Variants in RBAK observed in about 807,000 individuals in gnomAD.
The protein encoded by RBAK is RB-associated KRAB zinc finger protein.
Under a neutral mutation model 65.8 loss-of-function variants are expected in RBAK, and 39 were observed. The ratio of observed to expected loss-of-function variants is 0.59; its 90% confidence interval spans 0.46 to 0.77. The LOEUF (loss-of-function observed/expected upper bound fraction) is 0.77, where lower values mean the gene tolerates loss of function less well. RBAK is among the 30% of genes least tolerant of loss of function. RBAK has a pLI of 0.00. For missense variants in RBAK, 884 were observed against 855.1 expected (o/e 1.03, Z -0.42); for synonymous variants, 343 against 289.7 (o/e 1.18, Z -1.87).
intron 4 of RBAK, among the ~76,000 whole-genome samples, chr7:5,060,992 A>C (rs984434565): frequency 2.6e-5 from 4 of 152,260 alleles, no homozygotes; most frequent in South Asian, 2.1e-4. Flanking sequence ...TTTTACACCA[A>C]ATGAAACCCA....
At position 5,064,380 on chromosome 7, in the gene RBAK, G is replaced by C; in HGVS notation, c.924G>C (p.Arg308=). 6.2e-7 allele frequency: 1 copy of C among 1,613,890 alleles called. No homozygotes were observed. The highest frequency in any genetic ancestry group is 1.1e-5 in the South Asian group (1 of 91,062). The change falls in exon 5 of 5, where the codon CGG becomes CGC. Residue 308 remains arginine (R), a synonymous_variant. Transcript: ENST00000396912. This position sits in a 1 kb window ranked among gnomAD's most constrained non-coding sequence, Gnocchi z 6.3. ...AAAAGGGAACCCTCACTGTACATCG[G>C]AGATCACACTTAGAGGAGAAGCCCT... ...FSQKGTLTVH[R]RSHLEEKPYK... is the part of the protein sequence containing the mutation.
chr7:5,059,857 A>G (rs1222490345), intron 4 of RBAK, among the ~76,000 whole-genome samples: 1 of 152,216 alleles, frequency 6.6e-6, no homozygotes, highest in Non-Finnish European at 1.5e-5. Context: ...ATAGGATTAT[A>G]TATTCTAAGA....
At chr7:5,059,025 CTG>C (rs1483868886) in intron 4 of RBAK, among the ~76,000 whole-genome samples, 3 of 152,170 alleles carry the variant, frequency 2.0e-5, no homozygotes, top group South Asian at 2.1e-4. Context: ...TGATGATAAA[CTG>C]TGCACATTCC....
In RBAK at chr7:5,063,730, C is replaced by G. The variant is rs1305689832; in HGVS notation, c.274C>G (p.Gln92Glu). 1 of 1,611,390 alleles carries G rather than the reference C, an allele frequency of 6.2e-7. No individual in the cohort carries two copies. Among genetic ancestry groups the G allele is most frequent in the Non-Finnish European group, 8.5e-7 (1 of 1,179,136 alleles). ...AGTTGATGACCTGATAGAGAGAATCCAAGAAAACGAAGACAAACATTCAAG... is the reference window on the plus strand; with the variant it reads ...AGTTGATGACCTGATAGAGAGAATCGAAGAAAACGAAGACAAACATTCAAG... The part of the protein sequence containing the change: ...WRVDDLIERI[Q>E]ENEDKHSRQA... Residue 92 changes from glutamine (Q) to glutamate (E), a missense_variant, in exon 5 of 5, where the codon CAA becomes GAA. Physicochemically the swap from Gln to Glu is conservative, Grantham distance 29 (BLOSUM62 2). Transcript: ENST00000396912.
rs766836301 is a variant in RBAK, at chr7:5,064,966, G to C, written c.1510G>C (p.Ala504Pro). 6.2e-7 allele frequency: 1 copy of C among 1,613,514 alleles called. No individual in the cohort carries two copies. The highest frequency in any genetic ancestry group is 8.5e-7 in the Non-Finnish European group (1 of 1,179,822). The change falls in exon 5 of 5, where the codon GCT (alanine) becomes CCT (proline). Residue 504 changes from alanine (A) to proline (P), a missense_variant. Physicochemically the swap from Ala to Pro is conservative, Grantham distance 27 (BLOSUM62 -1). Transcript: ENST00000396912. This position sits in a 1 kb window ranked among gnomAD's most constrained non-coding sequence, Gnocchi z 6.3. ...GTTGTATCTCACCGACCATCATACAGCTCATTTAGAAGAGAAACCCTATGA... is the reference window on the plus strand; with the variant it reads ...GTTGTATCTCACCGACCATCATACACCTCATTTAGAAGAGAAACCCTATGA... Reference protein sequence around the residue: ...SQLYLTDHHTAHLEEKPYECN... With the variant: ...SQLYLTDHHTPHLEEKPYECN...
chr7:5,068,839 T>C lies in RBAK; in HGVS notation c.*3238T>C, dbSNP rs967483823. 5.9e-5 allele frequency: 9 copies of C among 152,196 alleles called. No individual in the cohort carries two copies. The highest frequency in any genetic ancestry group is 2.6e-4 in the Admixed American group (4 of 15,278). 9.4% of individuals were successfully genotyped at this position (152,196 alleles called of 1,614,324 possible). Reference sequence around the variant, plus strand: ...ATGTCCATGGAATACTGTAAAACAGTGAGCATGAATGAACTAGAAGTCCGT... The same window carrying C: ...ATGTCCATGGAATACTGTAAAACAGCGAGCATGAATGAACTAGAAGTCCGT... On this transcript the variant is annotated 3_prime_UTR_variant, in exon 5 of 5. Coordinates refer to ENST00000396912, the MANE Select transcript of RBAK (RefSeq NM_021163.4).
Position 5,059,923 on chromosome 7 carries a change from A to G in RBAK, c.238+2144A>G, listed in dbSNP as rs970896524. 3.3e-5 allele frequency among the ~76,000 whole-genome samples: 5 copies of G among 152,266 alleles called. No individual in the cohort carries two copies. In the East Asian group the frequency reaches 9.7e-4, roughly 30 times the overall value. The stretch of plus-strand genomic sequence containing the variant: ...TGAGTATAAACTCTGATGGGATTAT[A>G]TATTCAAAGATTATATGTTCTGATA... On this transcript the variant is annotated intron_variant, in intron 4 of 4. Transcript: ENST00000396912.
intron 2 of RBAK, among the ~76,000 whole-genome samples, chr7:5,050,987 T>C (rs1211788197): frequency 6.6e-6 from 1 of 152,212 alleles, no homozygotes; most frequent in Admixed American, 6.5e-5. Context: ...TTTTGTTTTG[T>C]TACCATTATG....
At chr7:5,051,153 A>G (rs1487990275) in intron 2 of RBAK, among the ~76,000 whole-genome samples, 3 of 152,166 alleles carry the variant, frequency 2.0e-5, no homozygotes, top group Non-Finnish European at 2.9e-5. Flanking sequence ...TAGCAAATCT[A>G]TACATACAAT....
Position 5,064,866 on chromosome 7 carries a change from A to G in RBAK, c.1410A>G (p.Ser470=). ...GTGGCAAAACCTTCAATTTAAATTC[A>G]GCCTTCATTAGACATCGGAAAGTAC... ...NECGKTFNLN[S]AFIRHRKVHT... is the part of the protein sequence containing the mutation. The change falls in exon 5 of 5, where the codon TCA becomes TCG. Residue 470 remains serine (S), a synonymous_variant. Coordinates refer to ENST00000396912, the MANE Select transcript of RBAK (RefSeq NM_021163.4). The surrounding 1 kb of genome is among the most constrained non-coding windows in gnomAD (Gnocchi z 6.3). 6.2e-7 allele frequency: 1 copy of G among 1,614,034 alleles called. No homozygotes were observed. The highest frequency in any genetic ancestry group is 8.5e-7 in the Non-Finnish European group (1 of 1,179,874).
At chr7:5,059,389 C>T (rs1311314850) in intron 4 of RBAK, among the ~76,000 whole-genome samples, 2 of 151,938 alleles carry the variant, frequency 1.3e-5, no homozygotes, top group Non-Finnish European at 2.9e-5. Context: ...GGCATGATCT[C>T]GGCTCACTGC....
Position 5,063,712 on chromosome 7 carries a change from G to T in RBAK, c.256G>T (p.Asp86Tyr). ...QHSPEAWRVD[D>Y]LIERIQENED... Reference sequence around the variant, plus strand: ...CTTTTTAGAAGCCTGGAGAGTTGATGACCTGATAGAGAGAATCCAAGAAAA... The same window carrying T: ...CTTTTTAGAAGCCTGGAGAGTTGATTACCTGATAGAGAGAATCCAAGAAAA... Residue 86 changes from aspartate to tyrosine, a missense_variant, in exon 5 of 5, where the codon GAC becomes TAC. Asp to Tyr is a radical substitution (Grantham distance 160). Coordinates refer to ENST00000396912, the MANE Select transcript of RBAK (RefSeq NM_021163.4). 6.2e-7 allele frequency: 1 copy of T among 1,605,372 alleles called. No individual in the cohort carries two copies. The highest frequency in any genetic ancestry group is 1.1e-5 in the South Asian group (1 of 89,522).
chr7:5,054,530 A>G (rs1788183158), intron 2 of RBAK, among the ~76,000 whole-genome samples: 2 of 151,832 alleles, frequency 1.3e-5, no homozygotes, highest in South Asian at 4.2e-4. Flanking sequence ...TATATCCAGT[A>G]CCTGTTAGTT....
intron 4 of RBAK, among the ~76,000 whole-genome samples, chr7:5,063,068 G>A (rs141758663): frequency 0.017 from 2,613 of 152,298 alleles, 71 homozygotes; most frequent in African/African-American, 0.06. Context: ...AGTAAAGACA[G>A]GCATAGGAAA....
chr7:5,064,052 G>C lies in RBAK; in HGVS notation c.596G>C (p.Ser199Thr). 1 of 1,613,036 alleles carries C rather than the reference G, an allele frequency of 6.2e-7. No homozygotes were observed. The highest frequency in any genetic ancestry group is 1.1e-5 in the South Asian group (1 of 90,768). Residue 199 changes from serine to threonine, a missense_variant, in exon 5 of 5, where the codon AGT becomes ACT. Coordinates refer to ENST00000396912, the MANE Select transcript of RBAK (RefSeq NM_021163.4). The surrounding 1 kb of genome is among the most constrained non-coding windows in gnomAD (Gnocchi z 6.3). ...HNEENILQKI[S>T]ILEKPFEYNE... ...GAAGAAAATATTCTTCAGAAAATTA[G>C]TATTTTGGAGAAACCCTTTGAATAT...
At chr7:5,047,164 C>T (rs1788006718) in intron 1 of RBAK, among the ~76,000 whole-genome samples, 1 of 152,164 alleles carries the variant, frequency 6.6e-6, no homozygotes, top group Non-Finnish European at 1.5e-5. Flanking sequence ...TTTGCGGGGG[C>T]TAAGGCAAGA....
chr7:5,045,873 C>T lies in RBAK; in HGVS notation c.-568C>T, dbSNP rs1299871770. The T allele has an allele frequency of 2.3e-5, 8 of 341,230 alleles. No homozygotes were observed. Among genetic ancestry groups the T allele is most frequent in the Non-Finnish European group, 3.9e-5 (7 of 179,852 alleles). The allele number at this position is 341,230 out of a possible 1,614,324, so 21.1% of individuals were successfully genotyped here. On this transcript the variant is annotated 5_prime_UTR_variant, in exon 1 of 5. Coordinates refer to ENST00000396912, the MANE Select transcript of RBAK (RefSeq NM_021163.4). ...CGCCGCCGCTGCACTGCCCTCGCTT[C>T]CTGTGCGTCCTCAGGTCACCGCTTG... is the stretch of plus-strand genomic sequence containing the variant.
In RBAK at chr7:5,068,298, A is replaced by G. The variant is rs1191018316; in HGVS notation, c.*2697A>G. The G allele has an allele frequency of 6.6e-6, 1 of 152,164 alleles. No individual in the cohort carries two copies. The highest frequency in any genetic ancestry group is 2.4e-5 in the African/African-American group (1 of 41,462). The allele number at this position is 152,164 out of a possible 1,614,324, so 9.4% of individuals were successfully genotyped here. On this transcript the variant is annotated 3_prime_UTR_variant, in exon 5 of 5. Transcript: ENST00000396912. ...GCTGCTTCCCAGTAAAACCATTCAC[A>G]ATCCCAGGTGGCAGTCTGGATTTGG...
chr7:5,046,554 G>A (rs2115021106), intron 1 of RBAK, among the ~76,000 whole-genome samples, 158 bp downstream of exon 1: 1 of 152,306 alleles, frequency 6.6e-6, no homozygotes, highest in East Asian at 1.9e-4. Context: ...CCGAACAGGC[G>A]CTGCATGGGA....
Sources: allele counts gnomAD v4.1 joint callset (sites outside exome capture counted in the v4.1 genomes callset), GRCh38; gene constraint gnomAD v4.1.1; non-coding constraint Gnocchi (gnomAD v3.1); transcripts MANE v1.5; gene names NCBI Gene and HGNC (gene_info 2026-07-23, HGNC 2026-07-21).